PRKN: variants seen among roughly 807,000 people sequenced by gnomAD.
PRKN encodes E3 ubiquitin-protein ligase parkin.
Under a neutral mutation model 59.5 loss-of-function variants are expected in PRKN, and 56 were observed. That is an observed-to-expected ratio of 0.94 (90% confidence interval 0.76 to 1.18). PRKN has a LOEUF of 1.18. Ranked by LOEUF, PRKN falls within the 50% of genes most tolerant of loss-of-function variation. The pLI, the probability that PRKN is intolerant of heterozygous loss-of-function variation, is 0.00. For missense variants in PRKN, 657 were observed against 596.4 expected (o/e 1.10, Z -1.06); for synonymous variants, 250 against 222.1 (o/e 1.13, Z -1.12).
rs1050097406 is a variant in PRKN at position 161,395,181 on chromosome 6, A to G, written c.1084-8304T>C. On this transcript the variant is annotated intron_variant, in intron 9 of 11. Transcript: ENST00000366898. The surrounding 1 kb of genome is among the most constrained non-coding windows in gnomAD (Gnocchi z 5.0). ...CCAGAAATATGTTCTGCACTCAATC[A>G]TCAATTTATGCTATTTTTAAACAAA... 2.0e-5 allele frequency among the ~76,000 whole-genome samples: 3 copies of G among 152,166 alleles called. No homozygotes were observed. The highest frequency in any genetic ancestry group is 7.2e-5 in the African/African-American group (3 of 41,418).
chr6:162,173,534 CTTT>C (rs5741635), intron 4 of PRKN, among the ~76,000 whole-genome samples: 1,519 of 146,234 alleles, frequency 0.01, 4 homozygotes, highest in Non-Finnish European at 0.015. Context: ...TTTGATGCAG[CTTT>C]TTTTTTTTTT....
At chr6:162,060,189 T>C (rs996120889) in intron 4 of PRKN, among the ~76,000 whole-genome samples, 3 of 152,220 alleles carry the variant, frequency 2.0e-5, no homozygotes, top group African/African-American at 7.2e-5. Context: ...GGCTAACATA[T>C]AATCGCATAT....
chr6:162,156,713 A>G (rs531570807), intron 4 of PRKN, among the ~76,000 whole-genome samples: 1 of 152,200 alleles, frequency 6.6e-6, no homozygotes, highest in East Asian at 1.9e-4. Flanking sequence ...TCTTTTGGCA[A>G]CCCCCTCACA....
At chr6:162,294,188 CG>C (rs1781560457) in intron 2 of PRKN, among the ~76,000 whole-genome samples, 1 of 152,082 alleles carries the variant, frequency 6.6e-6, no homozygotes, top group South Asian at 2.1e-4. Flanking sequence ...TGAAAGCCCC[CG>C]GTGCTGAGGA....
chr6:162,280,692 G>A (rs1780851452), intron 2 of PRKN, among the ~76,000 whole-genome samples: 2 of 151,314 alleles, frequency 1.3e-5, no homozygotes, highest in Admixed American at 1.3e-4. Flanking sequence ...TCGGGAGGCT[G>A]AGGGAGGAGA....
chr6:161,995,972 T>C (rs979706494), intron 5 of PRKN, among the ~76,000 whole-genome samples: 1 of 152,086 alleles, frequency 6.6e-6, no homozygotes, highest in African/African-American at 2.4e-5. Context: ...CAAGACCCCA[T>C]TTTCACAAAA....
At chr6:162,366,258 CTTT>C in intron 2 of PRKN, among the ~76,000 whole-genome samples, 1 of 152,140 alleles carries the variant, frequency 6.6e-6, no homozygotes, top group East Asian at 1.9e-4. Context: ...TGTTGAAAAT[CTTT>C]TTTATTCTTT....
chr6:161,510,726 A>G (rs1267793594), intron 9 of PRKN, among the ~76,000 whole-genome samples: 1 of 152,242 alleles, frequency 6.6e-6, no homozygotes, highest in African/African-American at 2.4e-5. Flanking sequence ...GCTAACCTTC[A>G]AGAAAATAAT....
chr6:162,683,917 T>C (rs570075062), intron 1 of PRKN, among the ~76,000 whole-genome samples: 191 of 152,230 alleles, frequency 1.3e-3, no homozygotes, highest in African/African-American at 4.3e-3. Context: ...GGTGGATAAA[T>C]GTTTAAGAGT....
chr6:162,596,904 C>T (rs1339183835), intron 1 of PRKN, among the ~76,000 whole-genome samples: 1 of 152,144 alleles, frequency 6.6e-6, no homozygotes, highest in Non-Finnish European at 1.5e-5. Context: ...ATCCCCGCCA[C>T]CTCCTACATA....
intron 4 of PRKN, among the ~76,000 whole-genome samples, chr6:162,099,205 G>A (rs748400438): frequency 2.0e-4 from 30 of 152,120 alleles, no homozygotes; most frequent in African/African-American, 5.3e-4. Context: ...GCCACGGGCC[G>A]TCAGGTACAA....
At position 161,777,313 on chromosome 6, in the gene PRKN, A is replaced by C. The variant is rs969178540; in HGVS notation, c.871+8459T>G. Among the ~76,000 whole-genome samples, 4 of 152,180 alleles carry C rather than the reference A, an allele frequency of 2.6e-5. No individual in the cohort carries two copies. The South Asian group carries it at 8.3e-4, about 32-fold the overall frequency. On this transcript the variant is annotated intron_variant, in intron 7 of 11. Transcript: ENST00000366898. ...GTATAACACAATATCTGGTCAAAGAATGAGTTCACACTAGGAGAGCAGGGT... is the reference window on the plus strand; with the variant it reads ...GTATAACACAATATCTGGTCAAAGACTGAGTTCACACTAGGAGAGCAGGGT...
chr6:162,569,182 T>A, intron 1 of PRKN: 1 of 579,180 alleles, frequency 1.7e-6, no homozygotes, highest in Non-Finnish European at 3.2e-6. Flanking sequence ...GAGCTGCAGA[T>A]GCAAAGACTG....
intron 6 of PRKN, among the ~76,000 whole-genome samples, chr6:161,911,182 T>G (rs777919830): frequency 1.3e-5 from 2 of 152,192 alleles, no homozygotes; most frequent in African/African-American, 4.8e-5. Flanking sequence ...AGCCAAGACA[T>G]GCCCACTGTC....
chr6:162,258,690 G>A (rs1046512246), intron 3 of PRKN, among the ~76,000 whole-genome samples: 1 of 152,168 alleles, frequency 6.6e-6, no homozygotes, highest in Non-Finnish European at 1.5e-5. Context: ...AGGCCAACTG[G>A]TCTGGGCCCA....
Position 161,575,140 on chromosome 6 carries a change from C to T in PRKN, c.872-5724G>A, listed in dbSNP as rs9347521. Reference sequence around the variant, plus strand: ...TGAGCTCATTGGTGTTCAATGAATACCAGCTTTTTGGTGTTAAAAATGAAT... The same window carrying T: ...TGAGCTCATTGGTGTTCAATGAATATCAGCTTTTTGGTGTTAAAAATGAAT... On this transcript the variant is annotated intron_variant, in intron 7 of 11. Coordinates refer to ENST00000366898, the MANE Select transcript of PRKN (RefSeq NM_004562.3). The surrounding 1 kb of genome is among the most constrained non-coding windows in gnomAD (Gnocchi z 4.6). Among the ~76,000 whole-genome samples, 948 of 152,208 alleles carry T rather than the reference C, an allele frequency of 6.2e-3. 28 individuals carry two copies. The East Asian group carries it at 0.081, about 13-fold the overall frequency.
chr6:161,897,984 A>AAAAT (rs1554244227), intron 6 of PRKN, among the ~76,000 whole-genome samples: 22,848 of 117,488 alleles, frequency 0.19, 4,286 homozygotes, highest in African/African-American at 0.27. Flanking sequence ...AAAAAAAAAA[A>AAAAT]GTCTCCCAGT....
intron 7 of PRKN, among the ~76,000 whole-genome samples, chr6:161,725,450 G>T (rs2128186615): frequency 6.6e-6 from 1 of 152,294 alleles, no homozygotes; most frequent in East Asian, 1.9e-4. Flanking sequence ...TATTTCATTA[G>T]ATTCCAGAAG....
intron 7 of PRKN, among the ~76,000 whole-genome samples, chr6:161,750,704 T>C (rs551749896): frequency 2.0e-5 from 3 of 149,212 alleles, no homozygotes; most frequent in East Asian, 2.0e-4. Flanking sequence ...GAGGCAGAGG[T>C]TGCAGTGAGC....
Sources: allele counts gnomAD v4.1 joint callset (sites outside exome capture counted in the v4.1 genomes callset), GRCh38; gene constraint gnomAD v4.1.1; non-coding constraint Gnocchi (gnomAD v3.1); transcripts MANE v1.5; gene names NCBI Gene and HGNC (gene_info 2026-07-23, HGNC 2026-07-21).